Variants in ZNF277 observed in about 807,000 individuals in gnomAD.
The protein encoded by ZNF277 is nuclear receptor-interacting factor 4.
In ZNF277, 55 loss-of-function variants were observed where a neutral mutation model predicts 60.7. That is an observed-to-expected ratio of 0.91 (90% CI 0.73 to 1.13). ZNF277 has a LOEUF of 1.13. Among genes scored for constraint, ZNF277 ranks in the 50% most tolerant of loss-of-function variants. The pLI, the probability that ZNF277 is intolerant of heterozygous loss-of-function variation, is 0.00. For synonymous variants in ZNF277, 178 were observed against 179.3 expected (o/e 0.99, Z 0.06); for missense variants, 510 against 523.0 (o/e 0.98, Z 0.24).
At chr7:112,323,070 G>T (rs1369780741) in intron 5 of ZNF277, among the ~76,000 whole-genome samples, 1 of 150,854 alleles carries the variant, frequency 6.6e-6, no homozygotes, top group East Asian at 1.9e-4. Flanking sequence ...ATGTGGGTTG[G>T]AGCATACCTT....
At chr7:112,258,234 G>T (rs966741976) in intron 1 of ZNF277, among the ~76,000 whole-genome samples, 2 of 151,926 alleles carry the variant, frequency 1.3e-5, no homozygotes, top group African/African-American at 4.8e-5. Context: ...CATCTAATTT[G>T]AATACATTTT....
intron 1 of ZNF277, among the ~76,000 whole-genome samples, chr7:112,279,842 A>C (rs1791900519): frequency 6.6e-6 from 1 of 152,212 alleles, no homozygotes; most frequent in African/African-American, 2.4e-5. Flanking sequence ...ATCGTCATAA[A>C]GGTCTTTATC....
In ZNF277 at chr7:112,342,711, G is replaced by T; in HGVS notation, c.1335G>T (p.Leu445Phe). 1 of 1,602,472 alleles carries T rather than the reference G, an allele frequency of 6.2e-7. No homozygotes were observed. The highest frequency in any genetic ancestry group is 1.1e-5 in the South Asian group (1 of 89,302). ...ATGCTTTGAAACAAAGCAGTATTTT[G>T]AACCAGTTGCTACTATAAGAGTACT... ...KLYALKQSSI[L>F]NQLLL Residue 445 changes from leucine to phenylalanine, a missense_variant, in exon 12 of 12, where the codon TTG becomes TTT. Physicochemically the swap from Leu to Phe is conservative, Grantham distance 22. Transcript: ENST00000361822.
rs376516365 is a variant in ZNF277, at chr7:112,206,873, G to A, written c.91+66G>A. The A allele has an allele frequency of 3.6e-5, 55 of 1,527,958 alleles. No homozygotes were observed. In the East Asian group the frequency reaches 1.1e-3, roughly 32 times the overall value. The allele number at this position is 1,527,958 out of a possible 1,614,324, so 94.7% of individuals were successfully genotyped here. On this transcript the variant is annotated intron_variant, in intron 1 of 11. Transcript: ENST00000361822. ...TTTCTCTATGACCGGGTGTGCAACG[G>A]ACCTCTGGTCTGACCCTAGGAGCCC...
chr7:112,310,489 G>GAGAGAGAA lies in ZNF277; in HGVS notation c.466-7693_466-7692insAGAGAGAA, dbSNP rs1305151299. Among the ~76,000 whole-genome samples the GAGAGAGAA allele has an allele frequency of 5.2e-4, 74 of 142,932 alleles. 3 individuals carry two copies. The highest frequency in any genetic ancestry group is 2.0e-3 in the African/African-American group (67 of 33,730). 93.8% of individuals were successfully genotyped at this position (142,932 alleles called of 152,430 possible). On this transcript the variant is annotated intron_variant, in intron 4 of 11. Coordinates refer to ENST00000361822, the MANE Select transcript of ZNF277 (RefSeq NM_021994.3). ...AGAGAGAGAGAGAGAGTGTGTGTGT[G>GAGAGAGAA]TGTATGTATTTTATTTTTTATTTGC... is the stretch of plus-strand genomic sequence containing the variant.
At chr7:112,318,381 C>T (rs1563227253) in intron 5 of ZNF277, 108 bp downstream of exon 5, 1 of 921,948 alleles carries the variant, frequency 1.1e-6, no homozygotes. Flanking sequence ...GGCTCAGGAC[C>T]CTTTCGTATA....
At chr7:112,231,979 C>T (rs974955427) in intron 1 of ZNF277, among the ~76,000 whole-genome samples, 2 of 148,306 alleles carry the variant, frequency 1.3e-5, no homozygotes, top group Non-Finnish European at 3.0e-5. Context: ...TTTGTTTTCT[C>T]CAATTACCTC....
intron 1 of ZNF277, among the ~76,000 whole-genome samples, chr7:112,235,629 A>G (rs1822467549): frequency 6.6e-6 from 1 of 151,862 alleles, no homozygotes; most frequent in Non-Finnish European, 1.5e-5. Context: ...ATTATTTGTA[A>G]GAGTTCTTTA....
At chr7:112,308,659 A>G (rs1792654944) in intron 4 of ZNF277, among the ~76,000 whole-genome samples, 1 of 152,144 alleles carries the variant, frequency 6.6e-6, no homozygotes, top group African/African-American at 2.4e-5. Flanking sequence ...TTGAGTAACA[A>G]TTAAATGACT....
intron 2 of ZNF277, among the ~76,000 whole-genome samples, chr7:112,289,867 A>G (rs1792164421): frequency 6.6e-6 from 1 of 150,994 alleles, no homozygotes; most frequent in African/African-American, 2.4e-5. Context: ...CTGGGACTAC[A>G]GGCATGCACC....
intron 1 of ZNF277, among the ~76,000 whole-genome samples, chr7:112,233,528 G>A (rs2116981560): frequency 6.6e-6 from 1 of 152,254 alleles, no homozygotes; most frequent in African/African-American, 2.4e-5. Context: ...TCTACCAGCA[G>A]CACTGTCATG....
chr7:112,289,712 G>C (rs868610820), intron 2 of ZNF277, among the ~76,000 whole-genome samples: 8 of 151,952 alleles, frequency 5.3e-5, no homozygotes, highest in Admixed American at 1.3e-4. Flanking sequence ...CTTTCCTAAG[G>C]CTTCTATTAG....
At chr7:112,318,080 C>T (rs1374530994) in intron 4 of ZNF277, 102 bp from the exon 5 acceptor site, 1 of 879,570 alleles carries the variant, frequency 1.1e-6, no homozygotes, top group South Asian at 1.5e-5. Context: ...TTATATACTC[C>T]CTTTATGCTT....
chr7:112,301,954 AT>A (rs1207276518), intron 4 of ZNF277, among the ~76,000 whole-genome samples: 1 of 152,154 alleles, frequency 6.6e-6, no homozygotes, highest in Non-Finnish European at 1.5e-5. Flanking sequence ...GCAGACATCT[AT>A]AATCACTGCA....
At chr7:112,281,990 G>A (rs1177485034) in intron 1 of ZNF277, among the ~76,000 whole-genome samples, 1 of 152,090 alleles carries the variant, frequency 6.6e-6, no homozygotes, top group Non-Finnish European at 1.5e-5. Flanking sequence ...GTGCCACCAC[G>A]CCCTGCTAAT....
intron 1 of ZNF277, among the ~76,000 whole-genome samples, chr7:112,279,943 G>A (rs1248596421): frequency 6.6e-6 from 1 of 152,084 alleles, no homozygotes. Context: ...TGGACAAAGT[G>A]GAAGGGGATG....
intron 7 of ZNF277, among the ~76,000 whole-genome samples, chr7:112,334,806 A>T (rs1002647099): frequency 1.3e-5 from 2 of 152,060 alleles, no homozygotes; most frequent in Non-Finnish European, 2.9e-5. Context: ...GTCCAAGTAC[A>T]GAAAAACCAA....
At chr7:112,236,464 C>T (rs1790787601) in intron 1 of ZNF277, among the ~76,000 whole-genome samples, 1 of 151,940 alleles carries the variant, frequency 6.6e-6, no homozygotes, top group African/African-American at 2.4e-5. Flanking sequence ...CCCTAAGTCC[C>T]TAATATAGCT....
At chr7:112,304,960 G>A (rs1427733695) in intron 4 of ZNF277, among the ~76,000 whole-genome samples, 1 of 152,032 alleles carries the variant, frequency 6.6e-6, no homozygotes, top group Non-Finnish European at 1.5e-5. Context: ...ACTCTCCCAC[G>A]TCTCTCTCAC....
Sources: gnomAD v4.1 joint callset for allele counts (sites outside exome capture counted in the v4.1 genomes callset) on GRCh38, gnomAD v4.1.1 for gene constraint, MANE v1.5 for transcripts, NCBI Gene and HGNC (gene_info 2026-07-23, HGNC 2026-07-21) for gene names.